The following ITSN1 variants were observed in gnomAD, a reference collection of about 807,000 sequenced individuals.
The protein encoded by ITSN1 is intersectin 1, also known as intersectin-1.
A neutral mutation model predicts 239.8 loss-of-function variants in ITSN1; 58 were observed. The ratio of observed to expected loss-of-function variants is 0.24; its 90% CI spans 0.20 to 0.30. The LOEUF is 0.30. Ranked by LOEUF, ITSN1 falls within the 10% of genes least tolerant of loss-of-function variation. ITSN1 has a pLI of 1.00. For missense variants in ITSN1, 1,558 were observed against 2,103.3 expected, an observed-to-expected ratio of 0.74 and a Z score of 5.07; for synonymous variants, 780 against 770.8, an observed-to-expected ratio of 1.01 and a Z score of -0.20.
At chr21:33,699,784 A>G (rs1035431553) in intron 1 of ITSN1, among the ~76,000 whole-genome samples, 5 of 152,338 alleles carry the variant, frequency 3.3e-5, no homozygotes, top group Non-Finnish European at 4.4e-5. Flanking sequence ...ATTTAGAGAC[A>G]GTGTCTGACT....
intron 25 of ITSN1, 33 bp from the exon 26 acceptor site, chr21:33,826,785 G>A (rs2073997900): frequency 6.2e-7 from 1 of 1,600,728 alleles, no homozygotes; most frequent in African/African-American, 1.3e-5. Context: ...CAAAACTTCA[G>A]CATGCAAATG....
At chr21:33,735,005 T>C (rs774068160) in intron 4 of ITSN1, 39 bp from the exon 5 acceptor site, 1 of 1,557,996 alleles carries the variant, frequency 6.4e-7, no homozygotes, top group Non-Finnish European at 8.7e-7. Context: ...GGTTCTTTTA[T>C]GGTCACAGTT....
intron 29 of ITSN1, chr21:33,838,139 G>C: frequency 1.0e-6 from 1 of 985,554 alleles, no homozygotes; most frequent in Non-Finnish European, 1.2e-6. Flanking sequence ...AGCCCTGTTT[G>C]TCTTTTAAAC....
chr21:33,874,712 A>G (rs1983415424), intron 33 of ITSN1, among the ~76,000 whole-genome samples: 1 of 146,054 alleles, frequency 6.8e-6, no homozygotes, highest in Non-Finnish European at 1.5e-5. Flanking sequence ...GCAGTGGCGC[A>G]ATCTTGGCTC....
intron 29 of ITSN1, among the ~76,000 whole-genome samples, chr21:33,842,380 T>C (rs1475394986): frequency 6.6e-6 from 1 of 152,194 alleles, no homozygotes; most frequent in Non-Finnish European, 1.5e-5. Flanking sequence ...AAATGTTTCA[T>C]TTATAAAAAA....
At chr21:33,716,688 C>G (rs2065162845) in intron 1 of ITSN1, 1 of 151,956 alleles carries the variant, frequency 6.6e-6, no homozygotes, top group African/African-American at 2.4e-5. Flanking sequence ...ACTAGATATA[C>G]AAGGAAAACC....
At chr21:33,695,768 AAC>A (rs1212442062) in intron 1 of ITSN1, among the ~76,000 whole-genome samples, 3 of 152,322 alleles carry the variant, frequency 2.0e-5, no homozygotes, top group Admixed American at 1.3e-4. Flanking sequence ...TTTTAACAGA[AAC>A]GTTCTTTTCT....
At chr21:33,689,987 T>G in intron 1 of ITSN1, among the ~76,000 whole-genome samples, 1 of 137,488 alleles carries the variant, frequency 7.3e-6, no homozygotes, top group African/African-American at 2.7e-5. Context: ...AAAAAATAAT[T>G]AAAAAAAAAA....
rs923426376 is a variant in ITSN1 at position 33,899,162 on chromosome 21, G to C, written c.*10862G>C. 1 of 152,244 alleles carries C rather than the reference G, an allele frequency of 6.6e-6. No homozygotes were observed. The highest frequency in any genetic ancestry group is 2.1e-4 in the South Asian group (1 of 4,832). The allele number at this position is 152,244 out of a possible 1,614,324, so 9.4% of individuals were successfully genotyped here. On this transcript the variant is annotated 3_prime_UTR_variant, in exon 40 of 40. Transcript: ENST00000381318. Reference sequence around the variant, plus strand: ...GCCAGTCAACTGTCCCTTGGGCCTTGGTTGTTTCAAAAAAGTCTGGGGACA... The same window carrying C: ...GCCAGTCAACTGTCCCTTGGGCCTTCGTTGTTTCAAAAAAGTCTGGGGACA...
intron 33 of ITSN1, among the ~76,000 whole-genome samples, chr21:33,867,967 G>A (rs892952353): frequency 3.9e-5 from 6 of 152,204 alleles, no homozygotes; most frequent in African/African-American, 1.4e-4. Context: ...CTTTCGCGGT[G>A]TTACAGCTCA....
chr21:33,713,904 G>C (rs984257701), intron 1 of ITSN1, among the ~76,000 whole-genome samples: 1 of 128,462 alleles, frequency 7.8e-6, no homozygotes, highest in Non-Finnish European at 1.5e-5. Context: ...GCGCTATCTC[G>C]GCTCACTGCA....
At chr21:33,684,385 T>C (rs1044579295) in intron 1 of ITSN1, among the ~76,000 whole-genome samples, 2 of 152,226 alleles carry the variant, frequency 1.3e-5, no homozygotes, top group Non-Finnish European at 2.9e-5. Context: ...TGTGTTGTAA[T>C]TCTTAGCAGG....
intron 1 of ITSN1, among the ~76,000 whole-genome samples, chr21:33,677,580 T>G (rs1402937338): frequency 6.6e-6 from 1 of 152,076 alleles, no homozygotes; most frequent in Non-Finnish European, 1.5e-5. Context: ...CATCAAGTGA[T>G]CCACCCGCCT....
chr21:33,863,972 G>A (rs1180016546), intron 31 of ITSN1, among the ~76,000 whole-genome samples: 1 of 152,244 alleles, frequency 6.6e-6, no homozygotes, highest in Non-Finnish European at 1.5e-5. Context: ...TGGAATCGCT[G>A]ACTGCTCACA....
Position 33,826,870 on chromosome 21 carries a change from TA to T in ITSN1, c.3229+8del. The T allele has an allele frequency of 6.2e-7, 1 of 1,611,336 alleles. No homozygotes were observed. The highest frequency in any genetic ancestry group is 2.2e-5 in the East Asian group (1 of 44,858). ...AGTTTAGGAAAAAAACCTGGTAAGT[TA>T]CAAACCCTGATGCTTACTTTTCAAT... On this transcript the variant is annotated splice_region_variant and intron_variant, in intron 26 of 39. Transcript: ENST00000381318.
intron 29 of ITSN1, among the ~76,000 whole-genome samples, chr21:33,852,784 T>C (rs1007158346): frequency 1.3e-5 from 2 of 152,232 alleles, no homozygotes; most frequent in African/African-American, 4.8e-5. Context: ...AAGATGTTCA[T>C]GGAAAACCAT....
At chr21:33,694,485 T>C (rs1345336829) in intron 1 of ITSN1, among the ~76,000 whole-genome samples, 1 of 152,222 alleles carries the variant, frequency 6.6e-6, no homozygotes, top group African/African-American at 2.4e-5. Context: ...GGAGTTTTGT[T>C]ATTGGGTAAA....
intron 1 of ITSN1, among the ~76,000 whole-genome samples, chr21:33,680,913 A>T (rs2090910318): frequency 6.6e-6 from 1 of 152,212 alleles, no homozygotes; most frequent in Non-Finnish European, 1.5e-5. Flanking sequence ...GGGTATATTA[A>T]TTAGTCAGCT....
Position 33,883,669 on chromosome 21 carries a change from A to G in ITSN1, c.4674A>G (p.Glu1558=). ...CTCTCCGAGCAGAAAGCATAAATGA[A>G]AGGTGAGACCTGCCGCCTCCCCAGC... ...VYTLRAESIN[E]RTAWVQKIKA... Residue 1558 remains glutamate (E), a splice_region_variant and synonymous_variant, in exon 36 of 40, where the codon GAA becomes GAG. Transcript: ENST00000381318. The G allele has an allele frequency of 1.2e-6, 2 of 1,613,040 alleles. No homozygotes were observed. The highest frequency in any genetic ancestry group is 1.7e-6 in the Non-Finnish European group (2 of 1,179,230).
Sources: gnomAD v4.1 joint callset for allele counts (sites outside exome capture counted in the v4.1 genomes callset) on GRCh38, gnomAD v4.1.1 for gene constraint, MANE v1.5 for transcripts, NCBI Gene and HGNC (gene_info 2026-07-23, HGNC 2026-07-21) for gene names.